NEO1: variants seen among roughly 807,000 people sequenced by gnomAD.
NEO1 encodes neogenin 1, also known as neogenin.
In NEO1, 63 loss-of-function variants were observed where a neutral mutation model predicts 159.7. The ratio of observed to expected loss-of-function variants is 0.39; its 90% CI spans 0.32 to 0.49. The LOEUF (loss-of-function observed/expected upper bound fraction) is 0.49. NEO1 is among the 20% of genes least tolerant of loss of function. NEO1 has a pLI of 0.85. For missense variants in NEO1, 1,615 were observed against 1,831.0 expected, an observed-to-expected ratio of 0.88 and a Z score of 2.15; for synonymous variants, 633 against 662.0, an observed-to-expected ratio of 0.96 and a Z score of 0.67.
At chr15:73,227,665 A>G (rs760899858) in intron 7 of NEO1, among the ~76,000 whole-genome samples, 14 of 152,356 alleles carry the variant, frequency 9.2e-5, no homozygotes, top group Non-Finnish European at 1.6e-4. Flanking sequence ...GCGGACAGCA[A>G]TGCTCACATT....
At chr15:73,085,263 T>C (rs1174625104) in intron 1 of NEO1, among the ~76,000 whole-genome samples, 3 of 152,078 alleles carry the variant, frequency 2.0e-5, no homozygotes, top group Non-Finnish European at 4.4e-5. Flanking sequence ...ATAATGCCTT[T>C]ATCACACAAC....
At chr15:73,117,105 A>C (rs1415833334) in intron 2 of NEO1, among the ~76,000 whole-genome samples, 1 of 152,218 alleles carries the variant, frequency 6.6e-6, no homozygotes, top group Non-Finnish European at 1.5e-5. Context: ...AGTACTGAGC[A>C]GTTCTTTTCT....
intron 1 of NEO1, among the ~76,000 whole-genome samples, chr15:73,069,906 A>C (rs2068452361): frequency 6.6e-6 from 1 of 152,194 alleles, no homozygotes; most frequent in Non-Finnish European, 1.5e-5. Context: ...TTAAAGCTAG[A>C]GTTTGCTAGT....
chr15:73,289,017 T>TA (rs2042058395), intron 24 of NEO1, 129 bp from the exon 25 acceptor site: 1 of 676,856 alleles, frequency 1.5e-6, no homozygotes, highest in Non-Finnish European at 2.6e-6. Flanking sequence ...TTTCACTTCT[T>TA]ACAGAAATGT....
Position 73,096,419 on chromosome 15 carries a change from G to A in NEO1, c.131-20121G>A, listed in dbSNP as rs115192152. ...TGAAACGTGGCTTTACCAGTACAAT[G>A]TTGAAGACAAAGCACAATCAAAGCA... On this transcript the variant is annotated intron_variant, in intron 1 of 28. Transcript: ENST00000261908. Among the ~76,000 whole-genome samples the A allele has an allele frequency of 8.6e-3, 1,304 of 152,304 alleles. 22 individuals are homozygous for A. The highest frequency in any genetic ancestry group is 0.03 in the African/African-American group (1,230 of 41,568).
chr15:73,104,404 A>G (rs1458699801), intron 1 of NEO1, among the ~76,000 whole-genome samples: 1 of 152,214 alleles, frequency 6.6e-6, no homozygotes, highest in Non-Finnish European at 1.5e-5. Flanking sequence ...GTGGTAATCA[A>G]GGACTAGTGG....
chr15:73,074,632 A>G (rs1448276513), intron 1 of NEO1, among the ~76,000 whole-genome samples: 2 of 152,152 alleles, frequency 1.3e-5, no homozygotes, highest in Non-Finnish European at 2.9e-5. Context: ...TTCCAGACAG[A>G]ATTATTTTCT....
chr15:73,070,499 G>C (rs2068478225), intron 1 of NEO1, among the ~76,000 whole-genome samples: 1 of 152,174 alleles, frequency 6.6e-6, no homozygotes, highest in Non-Finnish European at 1.5e-5. Context: ...ATAATTTCAT[G>C]ATGAAAGTGA....
At position 73,258,884 on chromosome 15, in the gene NEO1, T is replaced by C. The variant is rs752792691; in HGVS notation, c.2203+8T>C. On this transcript the variant is annotated splice_region_variant and intron_variant, in intron 14 of 28. Transcript: ENST00000261908. Reference sequence around the variant, plus strand: ...TTGAAAGTGACCTAGATGGTAAGAATAACAATTGGCAAGACTGGAACACAA... The same window carrying C: ...TTGAAAGTGACCTAGATGGTAAGAACAACAATTGGCAAGACTGGAACACAA... The C allele has an allele frequency of 3.7e-6, 6 of 1,609,320 alleles. No homozygotes were observed. In the Admixed American group the frequency reaches 6.7e-5, roughly 18 times the overall value.
chr15:73,293,933 T>C (rs537240792), intron 26 of NEO1, among the ~76,000 whole-genome samples: 1 of 152,264 alleles, frequency 6.6e-6, no homozygotes, highest in Admixed American at 6.5e-5. Flanking sequence ...CACTGTAACA[T>C]TGGGTAGGTC....
chr15:73,093,589 T>A (rs953901267), intron 1 of NEO1, among the ~76,000 whole-genome samples: 2 of 152,010 alleles, frequency 1.3e-5, no homozygotes, highest in African/African-American at 4.8e-5. Context: ...TTTTTTCTTT[T>A]TGGATACAAG....
intron 1 of NEO1, among the ~76,000 whole-genome samples, chr15:73,094,594 T>C (rs2069894568): frequency 6.6e-6 from 1 of 152,194 alleles, no homozygotes; most frequent in Admixed American, 6.5e-5. Context: ...ATCTACACAA[T>C]TGATTGGTAT....
intron 7 of NEO1, among the ~76,000 whole-genome samples, chr15:73,196,275 C>T (rs1347869083): frequency 6.6e-6 from 1 of 152,180 alleles, no homozygotes; most frequent in Non-Finnish European, 1.5e-5. Context: ...CTCTTGCACG[C>T]AAGAATGGGA....
chr15:73,283,224 G>A (rs999446346), intron 23 of NEO1, 113 bp downstream of exon 23: 127 of 1,248,612 alleles, frequency 1.0e-4, no homozygotes, highest in Non-Finnish European at 1.3e-4. Flanking sequence ...ACATGAAAAG[G>A]AATTTAAGAT....
chr15:73,182,085 A>G (rs2035644800), intron 7 of NEO1, among the ~76,000 whole-genome samples: 1 of 152,030 alleles, frequency 6.6e-6, no homozygotes, highest in African/African-American at 2.4e-5. Flanking sequence ...GCAGCAGGCA[A>G]AGAGAGAGCT....
intron 27 of NEO1, among the ~76,000 whole-genome samples, chr15:73,299,583 C>T (rs1462832370): frequency 6.6e-6 from 1 of 152,140 alleles, no homozygotes; most frequent in African/African-American, 2.4e-5. Context: ...GACGGGGTTT[C>T]ACCACATTAG....
chr15:73,194,416 A>G (rs1162437733), intron 7 of NEO1, among the ~76,000 whole-genome samples: 2 of 152,198 alleles, frequency 1.3e-5, no homozygotes, highest in Admixed American at 1.3e-4. Flanking sequence ...AGGCTGTACA[A>G]GAAGCATGGC....
chr15:73,166,614 G>A (rs1325998796), intron 5 of NEO1, among the ~76,000 whole-genome samples: 1 of 152,158 alleles, frequency 6.6e-6, no homozygotes, highest in Non-Finnish European at 1.5e-5. Flanking sequence ...GCCTAAAAGG[G>A]CGGGAGATCT....
At chr15:73,245,183 A>G (rs893975005) in intron 9 of NEO1, among the ~76,000 whole-genome samples, 18 of 152,042 alleles carry the variant, frequency 1.2e-4, no homozygotes, top group Admixed American at 4.6e-4. Context: ...ATTTTGTAGC[A>G]AAGACAGAGC....
Sources: gnomAD v4.1 joint callset for allele counts (sites outside exome capture counted in the v4.1 genomes callset) on GRCh38, gnomAD v4.1.1 for gene constraint, MANE v1.5 for transcripts, NCBI Gene and HGNC (gene_info 2026-07-23, HGNC 2026-07-21) for gene names.